Variants in GNB1 observed in about 807,000 individuals in gnomAD.
GNB1 encodes G protein subunit beta 1, also known as guanine nucleotide-binding protein G(I)/G(S)/G(T) subunit beta-1.
In GNB1, 2 loss-of-function variants were observed where a neutral mutation model predicts 42.9. That is an observed-to-expected ratio of 0.05 (90% confidence interval 0.02 to 0.15). GNB1 has a LOEUF of 0.15. Ranked by LOEUF, GNB1 falls within the 10% of genes least tolerant of loss-of-function variation. The pLI is 1.00. For synonymous variants in GNB1, 183 were observed against 174.7 expected (o/e 1.05, Z -0.38); for missense variants, 193 against 462.2 (o/e 0.42, Z 5.34).
intron 1 of GNB1, among the ~76,000 whole-genome samples, chr1:1,855,265 G>A (rs1648212915): frequency 1.3e-5 from 2 of 148,818 alleles, no homozygotes; most frequent in African/African-American, 2.5e-5. Flanking sequence ...AAGCTGCAGT[G>A]AGCTGAGATC....
intron 1 of GNB1, among the ~76,000 whole-genome samples, chr1:1,851,495 C>T (rs1391098285): frequency 6.0e-5 from 9 of 151,108 alleles, no homozygotes; most frequent in African/African-American, 2.2e-4. Context: ...GCAGGAGAAT[C>T]GCTTGAACCT....
At chr1:1,862,645 G>A (rs764495832) in intron 1 of GNB1, among the ~76,000 whole-genome samples, 1 of 151,858 alleles carries the variant, frequency 6.6e-6, no homozygotes, top group Non-Finnish European at 1.5e-5. Context: ...TTTTTGTAGA[G>A]ACAGGGTTTC....
At chr1:1,793,691 CCAGA>C (rs1646510115) in intron 7 of GNB1, 1 of 164,192 alleles carries the variant, frequency 6.1e-6, no homozygotes, top group Admixed American at 6.1e-5. Context: ...GCAGCCTTAA[CCAGA>C]CAGACACCTC....
intron 1 of GNB1, among the ~76,000 whole-genome samples, chr1:1,880,329 G>A (rs1393515551): frequency 2.0e-5 from 3 of 152,142 alleles, no homozygotes; most frequent in Non-Finnish European, 4.4e-5. Flanking sequence ...GGCCGGACAC[G>A]GCGGCTCACG....
intron 2 of GNB1, among the ~76,000 whole-genome samples, chr1:1,827,104 T>TA (rs1245151022): frequency 6.6e-6 from 1 of 152,238 alleles, no homozygotes. Context: ...ATCTAACTGA[T>TA]AGCAGTTATT....
intron 2 of GNB1, among the ~76,000 whole-genome samples, chr1:1,831,096 C>T (rs987807211): frequency 1.3e-5 from 2 of 152,056 alleles, no homozygotes; most frequent in African/African-American, 2.4e-5. Context: ...ACCTGGGAGG[C>T]GGAGGCTGCA....
chr1:1,792,033 C>T (rs535602996), intron 8 of GNB1, among the ~76,000 whole-genome samples: 2 of 152,044 alleles, frequency 1.3e-5, no homozygotes, highest in Admixed American at 1.3e-4. Context: ...GGGCACAGCT[C>T]CTGCCACCAA....
intron 5 of GNB1, among the ~76,000 whole-genome samples, chr1:1,807,397 G>T (rs1279160144): frequency 6.8e-6 from 1 of 147,610 alleles, no homozygotes; most frequent in Non-Finnish European, 1.5e-5. Context: ...CCAGGAGGCG[G>T]GGGTTGCAGT....
chr1:1,866,909 G>A (rs1402281421), intron 1 of GNB1, among the ~76,000 whole-genome samples: 2 of 150,518 alleles, frequency 1.3e-5, no homozygotes, highest in Non-Finnish European at 3.0e-5. Flanking sequence ...AGCTGAGATC[G>A]CGCCACTGCA....
chr1:1,795,807 C>T (rs1298011968), intron 7 of GNB1, among the ~76,000 whole-genome samples: 1 of 152,030 alleles, frequency 6.6e-6, no homozygotes, highest in Admixed American at 6.6e-5. Flanking sequence ...TCTGTCCCAC[C>T]CTGTGCAGGC....
intron 1 of GNB1, among the ~76,000 whole-genome samples, chr1:1,871,583 CCCT>C (rs1416777204): frequency 9.9e-5 from 15 of 152,124 alleles, no homozygotes; most frequent in Admixed American, 9.2e-4. Flanking sequence ...TTTTAATAAC[CCCT>C]CCACCGACCA....
chr1:1,889,962 A>C (rs1224293095), intron 1 of GNB1, among the ~76,000 whole-genome samples: 2 of 115,570 alleles, frequency 1.7e-5, no homozygotes, highest in African/African-American at 6.9e-5. Context: ...CCTCTCCCCC[A>C]CCTTCGGGCC....
At chr1:1,836,387 C>CTTTTTTTTTTTTTTT in intron 2 of GNB1, among the ~76,000 whole-genome samples, 1 of 85,150 alleles carries the variant, frequency 1.2e-5, no homozygotes, top group Non-Finnish European at 2.4e-5. Context: ...CTTAATATTG[C>CTTTTTTTTTTTTTTT]TTTTTTTTTT....
rs770444766 is a variant in GNB1, at chr1:1,789,255, G to A, written c.714C>T (p.Gly238=). 6.2e-7 allele frequency: 1 copy of A among 1,600,738 alleles called. No homozygotes were observed. The highest frequency in any genetic ancestry group is 1.3e-5 in the African/African-American group (1 of 74,810). Residue 238 remains glycine, a synonymous_variant, in exon 10 of 12, where the codon GGC becomes GGT. Transcript: ENST00000378609. ...CGTCTGAGCCAGTGGCAAATGCATT[G>A]CCATTTGGAAAGAACTGGAAAGAGA... The part of the protein sequence containing the change: ...DINAICFFPN[G]NAFATGSDDA...
intron 1 of GNB1, among the ~76,000 whole-genome samples, chr1:1,876,114 G>A (rs1649532830): frequency 6.6e-6 from 1 of 152,226 alleles, no homozygotes; most frequent in East Asian, 1.9e-4. Flanking sequence ...CAGAAGCACT[G>A]GGGCCCTGCC....
At chr1:1,807,465 A>AG (rs1646712827) in intron 5 of GNB1, among the ~76,000 whole-genome samples, 1 of 96,698 alleles carries the variant, frequency 1.0e-5, no homozygotes, top group Admixed American at 9.9e-5. Context: ...TCCTGACTGA[A>AG]AAAAAAAAAA....
chr1:1,851,642 A>C (rs1647989321), intron 1 of GNB1, among the ~76,000 whole-genome samples: 1 of 152,200 alleles, frequency 6.6e-6, no homozygotes, highest in Non-Finnish European at 1.5e-5. Flanking sequence ...GGACAGAACA[A>C]ATGCAGAAAA....
chr1:1,884,242 G>A (rs1011902218), intron 1 of GNB1, among the ~76,000 whole-genome samples: 5 of 151,880 alleles, frequency 3.3e-5, no homozygotes, highest in Admixed American at 6.6e-5. Context: ...TGGAATTACA[G>A]GCATGCATCA....
chr1:1,840,977 C>CG (rs891722133), intron 1 of GNB1, among the ~76,000 whole-genome samples: 1 of 151,888 alleles, frequency 6.6e-6, no homozygotes, highest in Non-Finnish European at 1.5e-5. Context: ...CTGGAACCTC[C>CG]GACTCACTGG....
Sources: allele counts gnomAD v4.1 joint callset (sites outside exome capture counted in the v4.1 genomes callset), GRCh38; gene constraint gnomAD v4.1.1; transcripts MANE v1.5; gene names NCBI Gene and HGNC (gene_info 2026-07-23, HGNC 2026-07-21).